ACVR2B: variants seen among roughly 807,000 people sequenced by gnomAD.
ACVR2B encodes activin receptor type-2B.
Under a neutral mutation model 65.1 loss-of-function variants are expected in ACVR2B, and 18 were observed. The observed-to-expected ratio is 0.28, with a 90% CI of 0.19 to 0.41. The LOEUF (loss-of-function observed/expected upper bound fraction) is 0.41. Among genes scored for constraint, ACVR2B ranks in the 10% least tolerant of loss-of-function variants. The probability of loss-of-function intolerance (pLI) is 1.00; values close to 1 mark genes in which losing one functional copy is unlikely to be tolerated. For synonymous variants in ACVR2B, 298 were observed against 277.7 expected, an observed-to-expected ratio of 1.07 and a Z score of -0.73; for missense variants, 482 against 682.7, an observed-to-expected ratio of 0.71 and a Z score of 3.28.
At chr3:38,476,423 T>G (rs13078966) in intron 1 of ACVR2B, 74,236 of 151,966 alleles carry the variant, frequency 0.49, 20,279 homozygotes, top group Non-Finnish European at 0.62. Context: ...ACCAGCTAGC[T>G]CTCCTCTGCC....
chr3:38,483,026 C>A lies in ACVR2B; in HGVS notation c.1345-112C>A. The A allele has an allele frequency of 8.1e-7, 1 of 1,237,974 alleles. No individual in the cohort carries two copies. Among genetic ancestry groups the A allele is most frequent in the Non-Finnish European group, 1.2e-6 (1 of 843,058 alleles). The allele number at this position is 1,237,974 out of a possible 1,614,324, so 76.7% of individuals were successfully genotyped here. ...GGTGGACCTGCTGCTGTGGTTGGGG[C>A]TGGTGGGCTCTGCCTGATCCTTGGG... On this transcript the variant is annotated intron_variant, in intron 10 of 10. Transcript: ENST00000352511. The surrounding 1 kb of genome is among the most constrained non-coding windows in gnomAD (Gnocchi z 4.8).
chr3:38,454,330 C>T lies in ACVR2B; in HGVS notation c.8C>T (p.Ala3Val). 3.1e-6 allele frequency: 4 copies of T among 1,299,076 alleles called. No homozygotes were observed. The highest frequency in any genetic ancestry group is 3.9e-6 in the Non-Finnish European group (4 of 1,023,612). 80.5% of individuals were successfully genotyped at this position (1,299,076 alleles called of 1,614,324 possible). Residue 3 changes from alanine to valine, a missense_variant, in exon 1 of 11, where the codon GCG (alanine) becomes GTG (valine). Ala to Val is a moderately conservative substitution (Grantham distance 64). This residue lies in a region of ACVR2B where 41 missense variants were observed against 38.2 expected (regional missense o/e 1.07). Transcript: ENST00000352511. ...GGGGCGGCGCCGCGGAACATGACGG[C>T]GCCCTGGGTGGCCCTCGCCCTCCTC... is the stretch of plus-strand genomic sequence containing the variant. Reference protein sequence around the residue: MTAPWVALALLWG... With the variant: MTVPWVALALLWG...
At chr3:38,462,595 G>A (rs1199968775) in intron 1 of ACVR2B, among the ~76,000 whole-genome samples, 4 of 152,204 alleles carry the variant, frequency 2.6e-5, no homozygotes, top group Non-Finnish European at 2.9e-5. Flanking sequence ...TTTAAGCTAT[G>A]TTGGATGTCA....
At chr3:38,454,805 A>T (rs1467788508) in intron 1 of ACVR2B, 1 of 156,740 alleles carries the variant, frequency 6.4e-6, no homozygotes, top group African/African-American at 2.4e-5. Flanking sequence ...TGTCCCTCAG[A>T]GTCACTAAGT....
At chr3:38,457,451 A>G (rs1709569013) in intron 1 of ACVR2B, among the ~76,000 whole-genome samples, 1 of 152,220 alleles carries the variant, frequency 6.6e-6, no homozygotes, top group Admixed American at 6.5e-5. Context: ...TAAATGTCAC[A>G]TGGTGCTTGT....
chr3:38,481,910 A>G lies in ACVR2B; in HGVS notation c.1075-288A>G, dbSNP rs1026222015. Among the ~76,000 whole-genome samples, 1 of 152,218 alleles carries G rather than the reference A, an allele frequency of 6.6e-6. No individual in the cohort carries two copies. The highest frequency in any genetic ancestry group is 2.4e-5 in the African/African-American group (1 of 41,448). Reference sequence around the variant, plus strand: ...TTTGTTTTTGGTCTTAATCTCAGTCAGATACATATCATCTGTAGTTCCTTG... The same window carrying G: ...TTTGTTTTTGGTCTTAATCTCAGTCGGATACATATCATCTGTAGTTCCTTG... On this transcript the variant is annotated intron_variant, in intron 8 of 10. Transcript: ENST00000352511. The surrounding 1 kb of genome is among the most constrained non-coding windows in gnomAD (Gnocchi z 4.7).
chr3:38,478,350 C>A, intron 4 of ACVR2B, 25 bp from the exon 5 acceptor site: 1 of 1,614,006 alleles, frequency 6.2e-7, no homozygotes, highest in Non-Finnish European at 8.5e-7. Context: ...CAGGCCAGAC[C>A]TTTTTAAGCC....
At chr3:38,480,593 A>G (rs753711707) in intron 7 of ACVR2B, among the ~76,000 whole-genome samples, 10 of 152,188 alleles carry the variant, frequency 6.6e-5, no homozygotes, top group Non-Finnish European at 1.5e-4. Context: ...AGGGGAATGA[A>G]CCTCAAATTC....
In ACVR2B at chr3:38,490,106, A is replaced by T. The variant is rs1710186636; in HGVS notation, c.*6774A>T. The T allele has an allele frequency of 6.6e-6, 1 of 152,232 alleles. No homozygotes were observed. Among genetic ancestry groups the T allele is most frequent in the South Asian group, 2.1e-4 (1 of 4,822 alleles). 9.4% of individuals were successfully genotyped at this position (152,232 alleles called of 1,614,324 possible). A position where few individuals can be genotyped will look rare whatever the true frequency, so the allele number is the denominator to read the frequency against. On this transcript the variant is annotated 3_prime_UTR_variant, in exon 11 of 11. Coordinates refer to ENST00000352511, the MANE Select transcript of ACVR2B (RefSeq NM_001106.4). ...GCTCAGCATCACTGCCACAATACGGAAAGTGGTCTTCATTTTAGCCTATTT... is the reference window on the plus strand; with the variant it reads ...GCTCAGCATCACTGCCACAATACGGTAAGTGGTCTTCATTTTAGCCTATTT...
chr3:38,454,553 G>A (rs933154472), intron 1 of ACVR2B, 179 bp downstream of exon 1: 25 of 457,036 alleles, frequency 5.5e-5, no homozygotes, highest in Non-Finnish European at 7.9e-5. Flanking sequence ...CGCCGAACTT[G>A]GGGGCACGAT....
rs1490055109 is a variant in ACVR2B, at chr3:38,481,495, G to A, written c.1074+30G>A. On this transcript the variant is annotated intron_variant, in intron 8 of 10. Transcript: ENST00000352511. This position sits in a 1 kb window ranked among gnomAD's most constrained non-coding sequence, Gnocchi z 4.7. Reference sequence around the variant, plus strand: ...CAGGCCTCACAGGGCAGGAAGAGAGGGACAGACCCAGGGTAGATACTTTGC... The same window carrying A: ...CAGGCCTCACAGGGCAGGAAGAGAGAGACAGACCCAGGGTAGATACTTTGC... 6.3e-7 allele frequency: 1 copy of A among 1,581,962 alleles called. No homozygotes were observed.
Position 38,492,795 on chromosome 3 carries a change from CA to C in ACVR2B, c.*9464del, listed in dbSNP as rs1559662965. The C allele has an allele frequency of 2.3e-4, 13 of 56,610 alleles. No individual in the cohort carries two copies. Among genetic ancestry groups the C allele is most frequent in the East Asian group, 6.4e-4 (1 of 1,552 alleles). The allele number at this position is 56,610 out of a possible 1,614,324, so 3.5% of individuals were successfully genotyped here. ...ACACACACACACACACACACACACACACACACACATACACCTAAAATGGCCT... is the reference window on the plus strand; with the variant it reads ...ACACACACACACACACACACACACACCACACACATACACCTAAAATGGCCT... On this transcript the variant is annotated 3_prime_UTR_variant, in exon 11 of 11. Coordinates refer to ENST00000352511, the MANE Select transcript of ACVR2B (RefSeq NM_001106.4).
At chr3:38,482,950 T>G (rs1215363664) in intron 10 of ACVR2B, among the ~76,000 whole-genome samples, 188 bp from the exon 11 acceptor site, 2 of 152,166 alleles carry the variant, frequency 1.3e-5, no homozygotes, top group African/African-American at 4.8e-5. Flanking sequence ...GAAAGATGAC[T>G]GCCATGAAGG....
In ACVR2B at chr3:38,478,290, G is replaced by A; in HGVS notation, c.520G>A (p.Glu174Lys). ...CCCCTACGGTCATGTGGACATCCAT[G>A]AGGTGAGACAGTGCTGGCTTGGGGC... The part of the protein sequence containing the change: ...KPPYGHVDIH[E>K]DPGPPPPSPL... Residue 174 changes from glutamate (E) to lysine (K), a missense_variant and splice_region_variant, in exon 4 of 11, where the codon GAG becomes AAG. Coordinates refer to ENST00000352511, the MANE Select transcript of ACVR2B (RefSeq NM_001106.4). The A allele has an allele frequency of 6.2e-7, 1 of 1,614,056 alleles. No homozygotes were observed. The highest frequency in any genetic ancestry group is 2.2e-5 in the East Asian group (1 of 44,858).
At chr3:38,482,406 T>C (rs770169018) in intron 9 of ACVR2B, 24 bp from the exon 10 acceptor site, 1 of 1,611,508 alleles carries the variant, frequency 6.2e-7, no homozygotes. Flanking sequence ...AGAGTGATCC[T>C]GCCAGGCTCT....
chr3:38,478,735 A>C (rs185052238), intron 5 of ACVR2B, among the ~76,000 whole-genome samples: 3 of 152,078 alleles, frequency 2.0e-5, no homozygotes, highest in African/African-American at 7.2e-5. Context: ...GCTTTGCAAA[A>C]CCTTGATTTG....
At chr3:38,473,168 G>C (rs1435268713) in intron 1 of ACVR2B, among the ~76,000 whole-genome samples, 2 of 152,186 alleles carry the variant, frequency 1.3e-5, no homozygotes, top group African/African-American at 4.8e-5. Flanking sequence ...ACTGCCCCTT[G>C]GGGACACTGC....
At chr3:38,458,857 A>T (rs1156933389) in intron 1 of ACVR2B, among the ~76,000 whole-genome samples, 1 of 152,080 alleles carries the variant, frequency 6.6e-6, no homozygotes. Flanking sequence ...CTCAACCTTG[A>T]CACTATTACA....
chr3:38,472,447 C>T (rs1221701981), intron 1 of ACVR2B, among the ~76,000 whole-genome samples: 2 of 152,168 alleles, frequency 1.3e-5, no homozygotes, highest in Non-Finnish European at 2.9e-5. Flanking sequence ...TCTTGCTTGT[C>T]TTCCTCTTGG....
Sources: gnomAD v4.1 joint callset for allele counts (sites outside exome capture counted in the v4.1 genomes callset) on GRCh38, gnomAD v4.1.1 for gene constraint, gnomAD v4.1.1 regional missense constraint, Gnocchi (gnomAD v3.1) non-coding constraint, MANE v1.5 for transcripts, NCBI Gene and HGNC (gene_info 2026-07-23, HGNC 2026-07-21) for gene names.